MYO18A: variants seen among roughly 807,000 people sequenced by gnomAD.
MYO18A encodes unconventional myosin-XVIIIa.
A neutral mutation model predicts 235.8 loss-of-function variants in MYO18A; 78 were observed. The ratio of observed to expected loss-of-function variants is 0.33; its 90% CI spans 0.28 to 0.40. The LOEUF is 0.40. MYO18A is among the 10% of genes least tolerant of loss of function. The pLI, the probability that MYO18A is intolerant of heterozygous loss-of-function variation, is 1.00. For synonymous variants in MYO18A, 977 were observed against 1,077.8 expected, an observed-to-expected ratio of 0.91 and a Z score of 1.83; for missense variants, 2,215 against 2,699.3, an observed-to-expected ratio of 0.82 and a Z score of 3.98.
chr17:29,086,919 G>C lies in MYO18A; in HGVS notation c.5712+17C>G. ...AGGGGCTGCCATGTGGGCCCCGTGG[G>C]GGACAGGGGGCATTACCAGTTCGTG... On this transcript the variant is annotated intron_variant, in intron 38 of 41. Transcript: ENST00000527372. The C allele has an allele frequency of 6.2e-7, 1 of 1,605,580 alleles. No homozygotes were observed. The highest frequency in any genetic ancestry group is 1.1e-5 in the South Asian group (1 of 89,874).
chr17:29,127,906 T>TGTGGA, intron 2 of MYO18A: 2 of 993,606 alleles, frequency 2.0e-6, no homozygotes, highest in Non-Finnish European at 2.4e-6. Flanking sequence ...CAGTGAGGTC[T>TGTGGA]GACTTCGGGC....
intron 2 of MYO18A, among the ~76,000 whole-genome samples, chr17:29,160,901 C>A (rs1414751459): frequency 6.6e-6 from 1 of 152,236 alleles, no homozygotes; most frequent in Non-Finnish European, 1.5e-5. Flanking sequence ...AAGACCCCCT[C>A]TCCCTTCCCA....
intron 2 of MYO18A, among the ~76,000 whole-genome samples, chr17:29,145,645 C>T (rs2067831414): frequency 6.6e-6 from 1 of 152,146 alleles, no homozygotes; most frequent in Non-Finnish European, 1.5e-5. Flanking sequence ...GGGCCCTGCT[C>T]AGAGACAATA....
chr17:29,166,785 G>T lies in MYO18A; in HGVS notation c.156C>A (p.Ser52=). Residue 52 remains serine, a synonymous_variant, in exon 2 of 42, where the codon TCC becomes TCA. Transcript: ENST00000527372. The part of the protein sequence containing the change: ...RRGFFNLNRS[S]KRESKTRLEI... ...CCAGGCGCGTCTTGGATTCACGCTT[G>T]GAGGAGCGGTTCAGGTTGAAGAAGC... 1 of 1,611,916 alleles carries T rather than the reference G, an allele frequency of 6.2e-7. No homozygotes were observed.
chr17:29,120,981 C>T lies in MYO18A; in HGVS notation c.1585+17G>A. ...CCCTCACCCCACTTTCAGTTTTCTCCCTTGTCCCTGCCTCACCAGAAAACA... is the reference window on the plus strand; with the variant it reads ...CCCTCACCCCACTTTCAGTTTTCTCTCTTGTCCCTGCCTCACCAGAAAACA... On this transcript the variant is annotated intron_variant, in intron 6 of 41. Coordinates refer to ENST00000527372, the MANE Select transcript of MYO18A (RefSeq NM_078471.4). This position sits in a 1 kb window ranked among gnomAD's most constrained non-coding sequence, Gnocchi z 4.2. The T allele has an allele frequency of 1.2e-6, 2 of 1,601,984 alleles. No homozygotes were observed. The highest frequency in any genetic ancestry group is 4.5e-5 in the East Asian group (2 of 44,260).
chr17:29,111,695 G>A lies in MYO18A; in HGVS notation c.2740+27C>T. 1 of 1,613,040 alleles carries A rather than the reference G, an allele frequency of 6.2e-7. No individual in the cohort carries two copies. On this transcript the variant is annotated intron_variant, in intron 16 of 41. Transcript: ENST00000527372. This position sits in a 1 kb window ranked among gnomAD's most constrained non-coding sequence, Gnocchi z 5.1. ...CACCTGTATGTAAGAGGAAGCAGAG[G>A]AGCTACCCTCTAGGGATGCCACCTA...
chr17:29,119,469 G>C, intron 7 of MYO18A, 34 bp from the exon 8 acceptor site: 1 of 1,539,240 alleles, frequency 6.5e-7, no homozygotes, highest in South Asian at 1.2e-5. Flanking sequence ...GGTAAGGAGG[G>C]TAGTGCCAGA....
intron 2 of MYO18A, chr17:29,127,798 GC>G (rs2067360533): frequency 1.1e-6 from 1 of 948,434 alleles, no homozygotes; most frequent in Admixed American, 6.2e-5. Context: ...AGGGTGCCTG[GC>G]CCTTGAGCTA....
At position 29,166,621 on chromosome 17, in the gene MYO18A, T is replaced by C; in HGVS notation, c.320A>G (p.Lys107Arg). Residue 107 changes from lysine to arginine, a missense_variant, in exon 2 of 42, where the codon AAG becomes AGG. Coordinates refer to ENST00000527372, the MANE Select transcript of MYO18A (RefSeq NM_078471.4). ...GCCACGGAAGCTACCCTCCTCACCC[T>C]TGAGGTCATCGCTGGAGCTGGCTGT... ...LSTASSSDDL[K>R]GEEGSFRGSV... 4 of 1,613,868 alleles carry C rather than the reference T, an allele frequency of 2.5e-6. No homozygotes were observed. Among genetic ancestry groups the C allele is most frequent in the Non-Finnish European group, 1.7e-6 (2 of 1,179,878 alleles).
intron 20 of MYO18A, among the ~76,000 whole-genome samples, chr17:29,104,090 G>C (rs958251898): frequency 5.3e-5 from 8 of 152,212 alleles, no homozygotes; most frequent in African/African-American, 1.9e-4. Flanking sequence ...ACTGGAACTG[G>C]GGGGTGGGTA....
At chr17:29,156,313 C>A (rs960267176) in intron 2 of MYO18A, among the ~76,000 whole-genome samples, 2 of 152,208 alleles carry the variant, frequency 1.3e-5, no homozygotes, top group African/African-American at 2.4e-5. Context: ...CCCATGTAAT[C>A]CTGAATCTTC....
At chr17:29,100,998 T>C (rs138492341) in intron 21 of MYO18A, among the ~76,000 whole-genome samples, 1 of 152,306 alleles carries the variant, frequency 6.6e-6, no homozygotes, top group Non-Finnish European at 1.5e-5. Flanking sequence ...AGCCTCAATT[T>C]CTTTTCTTTA....
At position 29,085,656 on chromosome 17, in the gene MYO18A, T is replaced by C. The variant is rs758684385; in HGVS notation, c.5853-8A>G. ...GTCACCATGTCCTGCAAACTGGAAA[T>C]AGAAGGAAAATGGTGGGCAAGGGGT... On this transcript the variant is annotated splice_polypyrimidine_tract_variant and splice_region_variant and intron_variant, in intron 39 of 41. Transcript: ENST00000527372. 6.8e-6 allele frequency: 11 copies of C among 1,613,804 alleles called. No homozygotes were observed. The highest frequency in any genetic ancestry group is 1.1e-5 in the South Asian group (1 of 91,084).
chr17:29,089,574 G>A (rs769930545), intron 37 of MYO18A, among the ~76,000 whole-genome samples: 1 of 151,898 alleles, frequency 6.6e-6, no homozygotes. Context: ...GGAGCAGAGC[G>A]AGGGCAGATG....
At chr17:29,165,813 G>T in intron 2 of MYO18A, 129 bp downstream of exon 2, 1 of 894,386 alleles carries the variant, frequency 1.1e-6, no homozygotes, top group Non-Finnish European at 1.7e-6. Context: ...TCAGAGAGCA[G>T]CAGGGCTTCC....
chr17:29,130,746 C>A (rs1004938477), intron 2 of MYO18A, among the ~76,000 whole-genome samples: 1 of 152,336 alleles, frequency 6.6e-6, no homozygotes, highest in South Asian at 2.1e-4. Context: ...AACTACACAT[C>A]TTTGGACTTG....
intron 1 of MYO18A, 64 bp from the exon 2 acceptor site, chr17:29,167,085 G>A: frequency 1.7e-6 from 2 of 1,190,404 alleles, no homozygotes; most frequent in Non-Finnish European, 2.3e-6. Flanking sequence ...CTCCAGTCCA[G>A]ACATAACCAA....
chr17:29,171,213 G>C (rs1027172123), intron 1 of MYO18A, among the ~76,000 whole-genome samples: 1 of 152,150 alleles, frequency 6.6e-6, no homozygotes, highest in Non-Finnish European at 1.5e-5. Flanking sequence ...ACTTTGGGAG[G>C]CCAAGGCAGG....
intron 2 of MYO18A, among the ~76,000 whole-genome samples, chr17:29,149,726 C>T (rs2067928864): frequency 6.6e-6 from 1 of 152,222 alleles, no homozygotes; most frequent in Non-Finnish European, 1.5e-5. Flanking sequence ...GGGATTTCCT[C>T]ATGGCCCCCG....
Sources: gnomAD v4.1 joint callset for allele counts (sites outside exome capture counted in the v4.1 genomes callset) on GRCh38, gnomAD v4.1.1 for gene constraint, Gnocchi (gnomAD v3.1) non-coding constraint, MANE v1.5 for transcripts, NCBI Gene and HGNC (gene_info 2026-07-23, HGNC 2026-07-21) for gene names.